Variants in FRMPD2 observed in about 807,000 individuals in gnomAD.
The protein encoded by FRMPD2 is FERM and PDZ domain-containing protein 2.
A neutral mutation model predicts 140.1 loss-of-function variants in FRMPD2; 96 were observed. That is an observed-to-expected ratio of 0.69 (90% CI 0.58 to 0.81). FRMPD2 has a LOEUF of 0.81. FRMPD2 is among the 40% of genes least tolerant of loss of function. The probability of loss-of-function intolerance (pLI) is 0.00; values close to 1 mark genes in which losing one functional copy is unlikely to be tolerated. For synonymous variants in FRMPD2, 449 were observed against 547.6 expected, an observed-to-expected ratio of 0.82 and a Z score of 2.52; for missense variants, 1,240 against 1,447.4, an observed-to-expected ratio of 0.86 and a Z score of 2.32.
At chr10:48,209,727 T>C (rs1015652560) in intron 13 of FRMPD2, among the ~76,000 whole-genome samples, 3 of 152,210 alleles carry the variant, frequency 2.0e-5, no homozygotes, top group African/African-American at 7.2e-5. Flanking sequence ...GTTCAAAATG[T>C]TTATTACCTT....
At position 48,221,948 on chromosome 10, in the gene FRMPD2, AGGTG is replaced by A. The variant is rs533241089; in HGVS notation, c.1455+361_1455+364del. On this transcript the variant is annotated intron_variant, in intron 12 of 28. Transcript: ENST00000374201. ...AGGATAGATCAATGGATAGATGAAT[AGGTG>A]GGTGGGTGGGTGGATGGATGGATGG... Among the ~76,000 whole-genome samples the A allele has an allele frequency of 2.5e-3, 321 of 128,852 alleles. 2 individuals are homozygous for A. The highest frequency in any genetic ancestry group is 8.8e-3 in the African/African-American group (299 of 34,140). 84.5% of individuals were successfully genotyped at this position (128,852 alleles called of 152,430 possible). A position where few individuals can be genotyped will look rare whatever the true frequency, so the allele number is the denominator to read the frequency against.
Position 48,211,939 on chromosome 10 carries a change from T to A in FRMPD2, c.1611+15A>T, listed in dbSNP as rs1839331673. On this transcript the variant is annotated intron_variant, in intron 13 of 28. Coordinates refer to ENST00000374201, the MANE Select transcript of FRMPD2 (RefSeq NM_001018071.4). ...TTGAAGACCAACACCTCTCTCCAGG[T>A]CAGGAAGGCCTTACCCTCAAGAACT... 2 of 1,610,980 alleles carry A rather than the reference T, an allele frequency of 1.2e-6. No individual in the cohort carries two copies. The highest frequency in any genetic ancestry group is 8.5e-7 in the Non-Finnish European group (1 of 1,178,552).
intron 15 of FRMPD2, among the ~76,000 whole-genome samples, chr10:48,199,383 G>A (rs751044143): frequency 1.3e-5 from 2 of 151,656 alleles, no homozygotes; most frequent in Non-Finnish European, 2.9e-5. Context: ...GTAAGCAAAA[G>A]ATCTGCTAAG....
At chr10:48,175,256 T>C in intron 23 of FRMPD2, 2 of 847,522 alleles carry the variant, frequency 2.4e-6, no homozygotes, top group Non-Finnish European at 3.4e-6. Flanking sequence ...AAACCATTTT[T>C]GGAAGTATTT....
At chr10:48,250,939 G>A (rs1366334763) in intron 2 of FRMPD2, among the ~76,000 whole-genome samples, 2 of 150,950 alleles carry the variant, frequency 1.3e-5, no homozygotes, top group Admixed American at 1.3e-4. Context: ...TGAGATTACA[G>A]GCGAGCGCAA....
chr10:48,186,868 G>C (rs899331693), intron 17 of FRMPD2, among the ~76,000 whole-genome samples: 30 of 152,200 alleles, frequency 2.0e-4, no homozygotes, highest in African/African-American at 7.0e-4. Flanking sequence ...ATACTGGGAG[G>C]TGATGTTCTG....
chr10:48,238,677 G>A (rs921509555), intron 7 of FRMPD2, among the ~76,000 whole-genome samples: 3 of 152,174 alleles, frequency 2.0e-5, no homozygotes, highest in African/African-American at 7.2e-5. Context: ...GTCACCATGT[G>A]AATAAATAAA....
chr10:48,195,177 T>C (rs111688139), intron 15 of FRMPD2, among the ~76,000 whole-genome samples: 1 of 152,234 alleles, frequency 6.6e-6, no homozygotes, highest in Admixed American at 6.5e-5. Flanking sequence ...TGCAGCCTTC[T>C]TGTGGAAGGG....
At chr10:48,250,808 T>C (rs1263908459) in intron 2 of FRMPD2, among the ~76,000 whole-genome samples, 1 of 149,696 alleles carries the variant, frequency 6.7e-6, no homozygotes, top group Non-Finnish European at 1.5e-5. Flanking sequence ...TTTTTTTTTT[T>C]TTTTTTTGAG....
At chr10:48,170,387 C>T (rs1334709049) in intron 26 of FRMPD2, among the ~76,000 whole-genome samples, 2 of 152,198 alleles carry the variant, frequency 1.3e-5, no homozygotes, top group Non-Finnish European at 2.9e-5. Flanking sequence ...GGAATAACTG[C>T]TCTTTCCCTT....
chr10:48,216,060 T>G (rs548431282), intron 12 of FRMPD2, among the ~76,000 whole-genome samples: 1 of 152,344 alleles, frequency 6.6e-6, no homozygotes, highest in South Asian at 2.1e-4. Flanking sequence ...TGCCTGACTC[T>G]CTTCATGCCA....
At chr10:48,226,859 C>T (rs1185012167) in intron 10 of FRMPD2, among the ~76,000 whole-genome samples, 8 of 152,162 alleles carry the variant, frequency 5.3e-5, no homozygotes, top group Admixed American at 5.2e-4. Flanking sequence ...GTTGATCTTT[C>T]TTATGTTAGT....
chr10:48,232,538 C>T (rs1466947895), intron 9 of FRMPD2, among the ~76,000 whole-genome samples: 1 of 152,198 alleles, frequency 6.6e-6, no homozygotes, highest in African/African-American at 2.4e-5. Flanking sequence ...CTGCCAGGCT[C>T]AGCAGGGGCC....
chr10:48,210,223 A>G (rs145802211), intron 13 of FRMPD2, among the ~76,000 whole-genome samples: 27 of 152,300 alleles, frequency 1.8e-4, no homozygotes, highest in African/African-American at 6.0e-4. Context: ...ATCTCTCTGT[A>G]CCACAGGCAG....
chr10:48,243,299 G>C (rs1174102459), intron 4 of FRMPD2, among the ~76,000 whole-genome samples: 5 of 152,228 alleles, frequency 3.3e-5, no homozygotes, highest in Admixed American at 3.3e-4. Context: ...TAGAGGAAGG[G>C]GCTTAGCCAA....
chr10:48,244,670 G>A, intron 4 of FRMPD2, 114 bp downstream of exon 4: 1 of 773,774 alleles, frequency 1.3e-6, no homozygotes, highest in East Asian at 2.6e-5. Context: ...GGACCTAGAG[G>A]ACGGGAGAGT....
Position 48,189,999 on chromosome 10 carries a change from T to G in FRMPD2, c.2165+2685A>C, listed in dbSNP as rs192167938. On this transcript the variant is annotated intron_variant, in intron 16 of 28. Transcript: ENST00000374201. The stretch of plus-strand genomic sequence containing the variant: ...CTGAGGCCTGGGGTGTTGAATAACT[T>G]CATTGAGGTCACACAGCACTAGACC... Among the ~76,000 whole-genome samples, 283 of 152,248 alleles carry G rather than the reference T, an allele frequency of 1.9e-3. 1 individual carries two copies. The highest frequency in any genetic ancestry group is 6.6e-3 in the African/African-American group (274 of 41,542).
chr10:48,188,254 T>A (rs938251909), intron 16 of FRMPD2, among the ~76,000 whole-genome samples: 1 of 152,148 alleles, frequency 6.6e-6, no homozygotes, highest in Non-Finnish European at 1.5e-5. Context: ...CCACCCCCTG[T>A]ACCCTTGGAG....
At chr10:48,258,583 C>T (rs986467990) in intron 1 of FRMPD2, among the ~76,000 whole-genome samples, 5 of 152,222 alleles carry the variant, frequency 3.3e-5, no homozygotes, top group African/African-American at 4.8e-5. Context: ...AACTAGAGAA[C>T]ACCCTACCAC....
Sources: allele counts gnomAD v4.1 joint callset (sites outside exome capture counted in the v4.1 genomes callset), GRCh38; gene constraint gnomAD v4.1.1; transcripts MANE v1.5; gene names NCBI Gene and HGNC (gene_info 2026-07-23, HGNC 2026-07-21).